The following OR4N2 variants were observed in gnomAD, a reference collection of about 807,000 sequenced individuals.
OR4N2 encodes the protein olfactory receptor 4N2.
For missense variants in OR4N2, 307 were observed against 377.6 expected (o/e 0.81, Z 1.55); for synonymous variants, 141 against 140.4 (o/e 1.00, Z -0.03).
chr14:19,808,323 ACTTAGAAAACC>A (rs1879215398), intron 1 of OR4N2, among the ~76,000 whole-genome samples: 1 of 152,198 alleles, frequency 6.6e-6, no homozygotes, highest in South Asian at 2.1e-4. Context: ...ATAATTATAT[ACTTAGAAAACC>A]CTAACTTTCA....
rs1879818401 is a variant in OR4N2 at position 19,829,697 on chromosome 14, C to T, written c.*1325C>T. ...TAACTAGCTGACTATATATTCAAATCTCAAATGAGTACATTAAATGGGCAG... is the reference window on the plus strand; with the variant it reads ...TAACTAGCTGACTATATATTCAAATTTCAAATGAGTACATTAAATGGGCAG... On this transcript the variant is annotated 3_prime_UTR_variant, in exon 2 of 2. Transcript: ENST00000557677. 1 of 152,270 alleles carries T rather than the reference C, an allele frequency of 6.6e-6. No individual in the cohort carries two copies. The highest frequency in any genetic ancestry group is 2.4e-5 in the African/African-American group (1 of 41,472). The allele number at this position is 152,270 out of a possible 1,614,324, so 9.4% of individuals were successfully genotyped here. A position where few individuals can be genotyped will look rare whatever the true frequency, so the allele number is the denominator to read the frequency against.
At chr14:19,812,329 CTTTT>C (rs3078143) in intron 1 of OR4N2, among the ~76,000 whole-genome samples, 9 of 117,412 alleles carry the variant, frequency 7.7e-5, no homozygotes, top group South Asian at 5.3e-4. Flanking sequence ...CTTTTCTTTT[CTTTT>C]TTTTTTTTTT....
intron 1 of OR4N2, among the ~76,000 whole-genome samples, chr14:19,808,900 T>C (rs1207133078): frequency 6.6e-6 from 1 of 151,944 alleles, no homozygotes; most frequent in African/African-American, 2.4e-5. Flanking sequence ...CAAAACAGCA[T>C]GCTACTGGTA....
chr14:19,823,760 C>G (rs1169590213), intron 1 of OR4N2, among the ~76,000 whole-genome samples: 1 of 147,116 alleles, frequency 6.8e-6, no homozygotes, highest in East Asian at 2.0e-4. Context: ...GGGAAAAGAA[C>G]AGGCAACAAA....
intron 1 of OR4N2, 138 bp downstream of exon 1, chr14:19,803,982 G>C (rs1482522083): frequency 6.6e-6 from 1 of 152,262 alleles, no homozygotes; most frequent in Non-Finnish European, 1.5e-5. Context: ...TGTGTGCATA[G>C]AGTTGTTCAT....
At chr14:19,812,741 A>G (rs1335544967) in intron 1 of OR4N2, among the ~76,000 whole-genome samples, 2 of 152,208 alleles carry the variant, frequency 1.3e-5, no homozygotes, top group African/African-American at 4.8e-5. Context: ...TCTCTAATGA[A>G]TAGTCAAGCT....
intron 1 of OR4N2, among the ~76,000 whole-genome samples, chr14:19,809,690 A>G (rs1377775106): frequency 6.6e-6 from 1 of 152,258 alleles, no homozygotes; most frequent in Non-Finnish European, 1.5e-5. Flanking sequence ...GGCCAGAAAT[A>G]GTGCTGCACA....
At chr14:19,820,992 G>A (rs1206823240) in intron 1 of OR4N2, among the ~76,000 whole-genome samples, 1 of 152,238 alleles carries the variant, frequency 6.6e-6, no homozygotes, top group Non-Finnish European at 1.5e-5. Context: ...AAAAACTCCT[G>A]CATCTACCTC....
chr14:19,822,804 C>T (rs982713279), intron 1 of OR4N2, among the ~76,000 whole-genome samples: 9 of 152,222 alleles, frequency 5.9e-5, no homozygotes, highest in African/African-American at 9.6e-5. Flanking sequence ...TCATGTTACC[C>T]CCATCAGACC....
intron 1 of OR4N2, among the ~76,000 whole-genome samples, chr14:19,819,211 C>T (rs1157795899): frequency 6.6e-6 from 1 of 152,174 alleles, no homozygotes; most frequent in Non-Finnish European, 1.5e-5. Flanking sequence ...CTCTGTATTT[C>T]CTGAATTTTA....
chr14:19,830,220 C>T lies in OR4N2; in HGVS notation c.*1848C>T, dbSNP rs1879834754. Reference sequence around the variant, plus strand: ...TCCCTCCTAAATAAAACCTTCTTGCCACCTTTTCCCCTGTCCATGTCACTT... The same window carrying T: ...TCCCTCCTAAATAAAACCTTCTTGCTACCTTTTCCCCTGTCCATGTCACTT... On this transcript the variant is annotated 3_prime_UTR_variant, in exon 2 of 2. Coordinates refer to ENST00000557677, the MANE Select transcript of OR4N2 (RefSeq NM_001004723.3). The T allele has an allele frequency of 6.6e-6, 1 of 152,358 alleles. No individual in the cohort carries two copies. Among genetic ancestry groups the T allele is most frequent in the African/African-American group, 2.4e-5 (1 of 41,466 alleles). 9.4% of individuals were successfully genotyped at this position (152,358 alleles called of 1,614,324 possible). A position where few individuals can be genotyped will look rare whatever the true frequency, so the allele number is the denominator to read the frequency against.
chr14:19,808,788 G>A lies in OR4N2; in HGVS notation c.-10+4944G>A, dbSNP rs571693650. Among the ~76,000 whole-genome samples the A allele has an allele frequency of 8.0e-5, 12 of 150,626 alleles. No individual in the cohort carries two copies. The South Asian group carries it at 1.0e-3, about 13-fold the overall frequency. Reference sequence around the variant, plus strand: ...CAATCCCATGCAAAATGTACCACATGAACATATGCACCTACTCTGTAACCC... The same window carrying A: ...CAATCCCATGCAAAATGTACCACATAAACATATGCACCTACTCTGTAACCC... On this transcript the variant is annotated intron_variant, in intron 1 of 1. Transcript: ENST00000557677.
intron 1 of OR4N2, among the ~76,000 whole-genome samples, chr14:19,821,708 A>T (rs1594400359): frequency 1.3e-5 from 2 of 152,372 alleles, no homozygotes; most frequent in South Asian, 4.1e-4. Context: ...TAGCACATTT[A>T]AAAAAATTTA....
intron 1 of OR4N2, among the ~76,000 whole-genome samples, chr14:19,806,948 T>C (rs1879178847): frequency 6.6e-6 from 1 of 152,148 alleles, no homozygotes; most frequent in Non-Finnish European, 1.5e-5. Context: ...AACAACTTGC[T>C]CCTGAATAAC....
intron 1 of OR4N2, among the ~76,000 whole-genome samples, chr14:19,812,498 TTTTTTG>T (rs1212789053): frequency 7.9e-3 from 1,184 of 150,466 alleles, no homozygotes; most frequent in African/African-American, 0.026. Flanking sequence ...CCGAGATAAT[TTTTTTG>T]TTTGTTTGTT....
At chr14:19,813,492 G>A (rs1161167762) in intron 1 of OR4N2, among the ~76,000 whole-genome samples, 3 of 152,272 alleles carry the variant, frequency 2.0e-5, no homozygotes. Context: ...AGAGAGGACT[G>A]AGTACACCAC....
chr14:19,825,638 C>T (rs1879677455), intron 1 of OR4N2, among the ~76,000 whole-genome samples: 2 of 152,158 alleles, frequency 1.3e-5, no homozygotes, highest in African/African-American at 4.8e-5. Context: ...TCACTGAAAG[C>T]TCTGCCTCCC....
intron 1 of OR4N2, among the ~76,000 whole-genome samples, chr14:19,808,799 C>T (rs150897290): frequency 6.2e-4 from 94 of 150,992 alleles, no homozygotes; most frequent in African/African-American, 3.9e-4. Context: ...AACATATGCA[C>T]CTACTCTGTA....
chr14:19,809,964 A>AG (rs1879256062), intron 1 of OR4N2, among the ~76,000 whole-genome samples: 1 of 152,112 alleles, frequency 6.6e-6, no homozygotes, highest in Admixed American at 6.6e-5. Flanking sequence ...TGAAGACACC[A>AG]GAAACATTGA....
Sources: allele counts gnomAD v4.1 joint callset (sites outside exome capture counted in the v4.1 genomes callset), GRCh38; gene constraint gnomAD v4.1.1; transcripts MANE v1.5; gene names NCBI Gene and HGNC (gene_info 2026-07-23, HGNC 2026-07-21).